TNFRSF10A: variants seen among roughly 807,000 people sequenced by gnomAD.
TNFRSF10A encodes tumor necrosis factor receptor superfamily member 10A.
Under a neutral mutation model 42.8 loss-of-function variants are expected in TNFRSF10A, and 44 were observed. The ratio of observed to expected loss-of-function variants is 1.03; its 90% confidence interval spans 0.81 to 1.32. The LOEUF (loss-of-function observed/expected upper bound fraction) is 1.32, where lower values mean the gene tolerates loss of function less well. Ranked by LOEUF, TNFRSF10A falls within the 40% of genes most tolerant of loss-of-function variation. The pLI, the probability that TNFRSF10A is intolerant of heterozygous loss-of-function variation, is 0.00. For missense variants in TNFRSF10A, 680 were observed against 602.0 expected, an observed-to-expected ratio of 1.13 and a Z score of -1.36; for synonymous variants, 259 against 234.2, an observed-to-expected ratio of 1.11 and a Z score of -0.97.
intron 8 of TNFRSF10A, 165 bp from the exon 9 acceptor site, chr8:23,197,369 C>T (rs1800839331): frequency 2.8e-6 from 2 of 724,962 alleles, no homozygotes; most frequent in Non-Finnish European, 2.3e-6. Context: ...CACAGCCACT[C>T]CCCATTGCTG....
chr8:23,214,011 T>C (rs1801137828), intron 1 of TNFRSF10A, among the ~76,000 whole-genome samples: 1 of 152,060 alleles, frequency 6.6e-6, no homozygotes. Flanking sequence ...GAGATTTTAG[T>C]GTGCCTGTCA....
chr8:23,200,709 G>C lies in TNFRSF10A; in HGVS notation c.681C>G (p.Ile227Met). The change falls in exon 5 of 10, where the codon ATC becomes ATG. Residue 227 changes from isoleucine to methionine, a missense_variant. Ile to Met is a conservative substitution (Grantham distance 10, BLOSUM62 1). Coordinates refer to ENST00000221132, the MANE Select transcript of TNFRSF10A (RefSeq NM_003844.4). ...KVKDCTPWSD[I>M]ECVHKESGNG... ...TACCTGATTCTTTGTGGACACACTCGATGTCACTCCAGGGCGTACAATCCT... is the reference window on the plus strand; with the variant it reads ...TACCTGATTCTTTGTGGACACACTCCATGTCACTCCAGGGCGTACAATCCT... 1 of 1,556,840 alleles carries C rather than the reference G, an allele frequency of 6.4e-7. No individual in the cohort carries two copies. Among genetic ancestry groups the C allele is most frequent in the South Asian group, 1.1e-5 (1 of 90,430 alleles).
chr8:23,224,570 G>A, intron 1 of TNFRSF10A, 186 bp downstream of exon 1: 1 of 725,068 alleles, frequency 1.4e-6, no homozygotes, highest in Non-Finnish European at 2.2e-6. Flanking sequence ...CTCCAGGCCC[G>A]GGTCGCTCCT....
intron 1 of TNFRSF10A, among the ~76,000 whole-genome samples, chr8:23,219,108 G>A (rs2128851758): frequency 6.6e-6 from 1 of 152,192 alleles, no homozygotes; most frequent in South Asian, 2.1e-4. Context: ...GGGTGGGGGA[G>A]GTGGCCCCCA....
At chr8:23,222,178 C>T (rs1203602899) in intron 1 of TNFRSF10A, among the ~76,000 whole-genome samples, 3 of 152,174 alleles carry the variant, frequency 2.0e-5, no homozygotes, top group African/African-American at 4.8e-5. Flanking sequence ...CACCCGGCCA[C>T]ACTTTTGTAT....
At chr8:23,212,638 G>C (rs1801107100) in intron 1 of TNFRSF10A, among the ~76,000 whole-genome samples, 1 of 152,132 alleles carries the variant, frequency 6.6e-6, no homozygotes, top group African/African-American at 2.4e-5. Flanking sequence ...TCACATTTTA[G>C]CTATTGTGAA....
rs956985768 is a variant in TNFRSF10A, at chr8:23,197,037, G to A, written c.1087+95C>T. 1.8e-5 allele frequency: 27 copies of A among 1,530,068 alleles called. No homozygotes were observed. The African/African-American group carries it at 2.7e-4, about 15-fold the overall frequency. 94.8% of individuals were successfully genotyped at this position (1,530,068 alleles called of 1,614,324 possible). A position where few individuals can be genotyped will look rare whatever the true frequency, so the allele number is the denominator to read the frequency against. ...GGACCCCCAGTTTCTGGCATGGAATGCTCTGGAAGAGCACTCTCAGCAATG... is the reference window on the plus strand; with the variant it reads ...GGACCCCCAGTTTCTGGCATGGAATACTCTGGAAGAGCACTCTCAGCAATG... On this transcript the variant is annotated intron_variant, in intron 9 of 9. Coordinates refer to ENST00000221132, the MANE Select transcript of TNFRSF10A (RefSeq NM_003844.4).
At chr8:23,219,465 T>C (rs891684969) in intron 1 of TNFRSF10A, among the ~76,000 whole-genome samples, 8 of 150,696 alleles carry the variant, frequency 5.3e-5, no homozygotes, top group Non-Finnish European at 1.0e-4. Flanking sequence ...CAGAGGACTT[T>C]AGCCCTGCAG....
chr8:23,214,854 G>A (rs1381831372), intron 1 of TNFRSF10A, among the ~76,000 whole-genome samples: 2 of 152,156 alleles, frequency 1.3e-5, no homozygotes, highest in African/African-American at 4.8e-5. Context: ...TTTACAAACT[G>A]TCCCCCAAAA....
chr8:23,209,847 A>C (rs1371636215), intron 2 of TNFRSF10A, among the ~76,000 whole-genome samples: 1 of 152,036 alleles, frequency 6.6e-6, no homozygotes, highest in African/African-American at 2.4e-5. Flanking sequence ...ACTTTGGGGG[A>C]CTGTTGGGAA....
intron 9 of TNFRSF10A, among the ~76,000 whole-genome samples, chr8:23,193,552 C>T (rs909778497): frequency 2.6e-5 from 4 of 152,178 alleles, no homozygotes; most frequent in Non-Finnish European, 5.9e-5. Context: ...TCAGTCTGGA[C>T]ACTCTTGGAG....
chr8:23,223,526 C>T (rs1314793689), intron 1 of TNFRSF10A, among the ~76,000 whole-genome samples: 1 of 152,240 alleles, frequency 6.6e-6, no homozygotes, highest in Non-Finnish European at 1.5e-5. Flanking sequence ...AAATAAGAGT[C>T]AAACGTGGGT....
intron 2 of TNFRSF10A, chr8:23,207,136 T>G: frequency 1.7e-6 from 1 of 588,992 alleles, no homozygotes; most frequent in Admixed American, 1.9e-5. Flanking sequence ...AAGCTTCCAC[T>G]GACCACTGAG....
chr8:23,212,315 A>G, intron 1 of TNFRSF10A, 103 bp from the exon 2 acceptor site: 1 of 977,272 alleles, frequency 1.0e-6, no homozygotes, highest in South Asian at 1.3e-5. Flanking sequence ...ATTAGACAGA[A>G]CTTGCATCTT....
At chr8:23,203,213 G>A (rs7820865) in intron 2 of TNFRSF10A, among the ~76,000 whole-genome samples, 67,521 of 151,896 alleles carry the variant, frequency 0.44, 16,767 homozygotes, top group East Asian at 0.98. Context: ...TGGCCACATA[G>A]GCCTAGAGAC....
At chr8:23,220,095 A>G (rs544491259) in intron 1 of TNFRSF10A, among the ~76,000 whole-genome samples, 40 of 152,232 alleles carry the variant, frequency 2.6e-4, no homozygotes, top group African/African-American at 8.9e-4. Context: ...TCTTCCCTAC[A>G]AAGCAGACCC....
intron 1 of TNFRSF10A, among the ~76,000 whole-genome samples, chr8:23,218,075 G>A (rs1376809973): frequency 6.6e-6 from 1 of 152,204 alleles, no homozygotes; most frequent in East Asian, 1.9e-4. Flanking sequence ...TCTGATTAAG[G>A]GAGATGGAAG....
At chr8:23,195,707 G>C (rs1800813934) in intron 9 of TNFRSF10A, among the ~76,000 whole-genome samples, 1 of 152,172 alleles carries the variant, frequency 6.6e-6, no homozygotes, top group Non-Finnish European at 1.5e-5. Flanking sequence ...CATTGGTCCT[G>C]CTATAATTTG....
intron 2 of TNFRSF10A, among the ~76,000 whole-genome samples, chr8:23,203,482 C>T (rs1407344255): frequency 6.6e-6 from 1 of 152,232 alleles, no homozygotes; most frequent in Non-Finnish European, 1.5e-5. Context: ...TCTCCAGGCA[C>T]TGAGGTGACA....
Sources: gnomAD v4.1 joint callset for allele counts (sites outside exome capture counted in the v4.1 genomes callset) on GRCh38, gnomAD v4.1.1 for gene constraint, MANE v1.5 for transcripts, NCBI Gene and HGNC (gene_info 2026-07-23, HGNC 2026-07-21) for gene names.